Variants in STXBP4 observed in about 807,000 individuals in gnomAD.
STXBP4 encodes syntaxin binding protein 4.
Under a neutral mutation model 76.1 loss-of-function variants are expected in STXBP4, and 55 were observed. That is an observed-to-expected ratio of 0.72 (90% CI 0.58 to 0.91). The LOEUF (loss-of-function observed/expected upper bound fraction) is 0.91. STXBP4 is among the 40% of genes least tolerant of loss of function. The pLI is 0.00. For missense variants in STXBP4, 618 were observed against 636.9 expected (o/e 0.97, Z 0.32); for synonymous variants, 201 against 220.2 (o/e 0.91, Z 0.77).
intron 12 of STXBP4, among the ~76,000 whole-genome samples, chr17:55,057,265 C>T (rs1022624480): frequency 1.2e-4 from 19 of 152,300 alleles, no homozygotes; most frequent in Admixed American, 4.6e-4. Flanking sequence ...TCGTAAATCT[C>T]TTTCATAACT....
At chr17:55,084,908 A>C (rs957698404) in intron 16 of STXBP4, among the ~76,000 whole-genome samples, 7 of 152,208 alleles carry the variant, frequency 4.6e-5, no homozygotes, top group African/African-American at 1.7e-4. Context: ...ACACATGCAC[A>C]TGTATGTTTA....
chr17:55,109,271 A>G (rs1339760448), intron 16 of STXBP4, among the ~76,000 whole-genome samples: 1 of 152,176 alleles, frequency 6.6e-6, no homozygotes, highest in African/African-American at 2.4e-5. Flanking sequence ...ATAGTTGAGC[A>G]AAGGACTATT....
At chr17:54,975,085 T>A (rs1335235657) in intron 1 of STXBP4, among the ~76,000 whole-genome samples, 1 of 152,198 alleles carries the variant, frequency 6.6e-6, no homozygotes, top group Non-Finnish European at 1.5e-5. Context: ...TCCTGATTCC[T>A]ACCCCACTTA....
intron 16 of STXBP4, among the ~76,000 whole-genome samples, chr17:55,083,012 A>G (rs1310830318): frequency 6.6e-6 from 1 of 151,976 alleles, no homozygotes; most frequent in African/African-American, 2.4e-5. Flanking sequence ...CCCAGGCTGG[A>G]GTGCAGTGGC....
the STXBP4 span, among the ~76,000 whole-genome samples, chr17:55,211,796 G>GTTT: frequency 1.4e-4 from 5 of 34,998 alleles, no homozygotes; most frequent in African/African-American, 4.2e-4. Context: ...CCTGTTTTTT[G>GTTT]TTGTTTTTTT....
At position 55,159,873 on chromosome 17, in the gene STXBP4, G is replaced by A; in HGVS notation, c.1624G>A (p.Glu542Lys). ...TCTATCTCGCTCAGAGGAGAATGAA[G>A]AGGATTGCTCTAGAGAACTCCCCAA... ...LNLSRSEENE[E>K]DCSRELPNQK... The change falls in exon 18 of 18, where the codon GAG becomes AAG. Residue 542 changes from glutamate (E) to lysine (K), a missense_variant. Glu to Lys is a moderately conservative substitution (Grantham distance 56). Transcript: ENST00000376352. 1.2e-6 allele frequency: 2 copies of A among 1,613,958 alleles called. No homozygotes were observed. The highest frequency in any genetic ancestry group is 1.3e-5 in the African/African-American group (1 of 75,044).
chr17:55,196,971 G>A, the STXBP4 span, among the ~76,000 whole-genome samples: 3 of 152,164 alleles, frequency 2.0e-5, no homozygotes, highest in South Asian at 4.1e-4. Context: ...TGAAAGCCAC[G>A]TTCTCTTTAT....
chr17:55,110,682 G>A (rs2079701286), intron 16 of STXBP4, among the ~76,000 whole-genome samples: 1 of 152,152 alleles, frequency 6.6e-6, no homozygotes, highest in South Asian at 2.1e-4. Flanking sequence ...TGCCATTGTA[G>A]CATGAAAGCA....
intron 7 of STXBP4, among the ~76,000 whole-genome samples, chr17:55,001,366 T>C (rs2077911158): frequency 6.6e-6 from 1 of 152,186 alleles, no homozygotes; most frequent in African/African-American, 2.4e-5. Flanking sequence ...TATTGATTCT[T>C]AATTACCATA....
downstream of STXBP4, among the ~76,000 whole-genome samples, chr17:55,174,264 A>G (rs995022883): frequency 4.6e-5 from 7 of 152,228 alleles, no homozygotes; most frequent in Admixed American, 1.3e-4. Context: ...AGAAACTTCC[A>G]AGCTGTTTTC....
chr17:55,172,001 G>A lies in STXBP4; in HGVS notation c.*12090G>A, dbSNP rs563511267. The A allele has an allele frequency of 6.6e-6, 1 of 152,290 alleles. No individual in the cohort carries two copies. The highest frequency in any genetic ancestry group is 1.9e-4 in the East Asian group (1 of 5,184). The allele number at this position is 152,290 out of a possible 1,614,324, so 9.4% of individuals were successfully genotyped here. A position where few individuals can be genotyped will look rare whatever the true frequency, so the allele number is the denominator to read the frequency against. On this transcript the variant is annotated 3_prime_UTR_variant, in exon 18 of 18. Transcript: ENST00000376352. The stretch of plus-strand genomic sequence containing the variant: ...ATAGTGTCATTACCCTGAGTGACTG[G>A]TCCCACTGTTGGTCATTCTTTGTAG...
intron 7 of STXBP4, among the ~76,000 whole-genome samples, chr17:55,001,710 C>T (rs1027084197): frequency 6.6e-5 from 10 of 152,028 alleles, no homozygotes; most frequent in Non-Finnish European, 1.2e-4. Flanking sequence ...CTTGCTCTGT[C>T]GAAGTTCCGC....
At chr17:55,086,094 G>A (rs2079323556) in intron 16 of STXBP4, among the ~76,000 whole-genome samples, 1 of 152,088 alleles carries the variant, frequency 6.6e-6, no homozygotes, top group South Asian at 2.1e-4. Context: ...TTCAGTATCT[G>A]TCAAACATGA....
intron 16 of STXBP4, among the ~76,000 whole-genome samples, chr17:55,104,442 A>G (rs1424662628): frequency 6.6e-6 from 1 of 152,154 alleles, no homozygotes; most frequent in African/African-American, 2.4e-5. Context: ...TGATTTGTGT[A>G]TGTTGAACCA....
intron 16 of STXBP4, among the ~76,000 whole-genome samples, chr17:55,101,248 A>G (rs1005823515): frequency 6.6e-6 from 1 of 152,202 alleles, no homozygotes; most frequent in African/African-American, 2.4e-5. Context: ...TTCTGTTGGA[A>G]TAAGGGATAC....
intron 7 of STXBP4, 143 bp downstream of exon 7, chr17:55,001,026 T>G: frequency 1.7e-6 from 1 of 577,058 alleles, no homozygotes; most frequent in Non-Finnish European, 3.0e-6. Flanking sequence ...AATAATGTCT[T>G]TCCGTTGGGC....
At chr17:55,016,665 T>G (rs998372081) in intron 8 of STXBP4, among the ~76,000 whole-genome samples, 1 of 152,212 alleles carries the variant, frequency 6.6e-6, no homozygotes, top group East Asian at 1.9e-4. Context: ...GAACCTTCTA[T>G]TGTCCTGAAG....
intron 16 of STXBP4, among the ~76,000 whole-genome samples, chr17:55,124,708 A>G (rs1473820665): frequency 6.6e-6 from 1 of 152,242 alleles, no homozygotes; most frequent in Non-Finnish European, 1.5e-5. Context: ...TCAGGCTGCC[A>G]TAACAAAATA....
Position 55,160,025 on chromosome 17 carries a change from T to C in STXBP4, c.*114T>C. 1 of 607,540 alleles carries C rather than the reference T, an allele frequency of 1.6e-6. No homozygotes were observed. The highest frequency in any genetic ancestry group is 2.4e-5 in the South Asian group (1 of 41,930). The allele number at this position is 607,540 out of a possible 1,614,324, so 37.6% of individuals were successfully genotyped here. On this transcript the variant is annotated 3_prime_UTR_variant, in exon 18 of 18. Transcript: ENST00000376352. ...GTAAAGCATGCACTACTTGTTGAAG[T>C]GTGAAATGGAGACTCTGGACTTTGG...
Sources: allele counts gnomAD v4.1 joint callset (sites outside exome capture counted in the v4.1 genomes callset), GRCh38; gene constraint gnomAD v4.1.1; transcripts MANE v1.5; gene names NCBI Gene and HGNC (gene_info 2026-07-23, HGNC 2026-07-21).